FBXO36: variants seen among roughly 807,000 people sequenced by gnomAD.
The protein encoded by FBXO36 is F-box protein 36.
A neutral mutation model predicts 17.0 loss-of-function variants in FBXO36; 18 were observed. The observed-to-expected ratio is 1.06, with a 90% confidence interval of 0.73 to 1.57. FBXO36 has a LOEUF of 1.57. FBXO36 is among the 40% of genes most tolerant of loss of function. The probability of loss-of-function intolerance (pLI) is 0.00; values close to 1 mark genes in which losing one functional copy is unlikely to be tolerated. For synonymous variants in FBXO36, 83 were observed against 85.3 expected (o/e 0.97, Z 0.15); for missense variants, 229 against 221.9 (o/e 1.03, Z -0.20).
chr2:229,980,168 G>A (rs1188596053), intron 2 of FBXO36, among the ~76,000 whole-genome samples: 4 of 151,916 alleles, frequency 2.6e-5, no homozygotes, highest in African/African-American at 9.7e-5. Context: ...ATGCCACAGA[G>A]CCCCCGCCCC....
chr2:229,958,950 GA>G (rs1254926811), intron 1 of FBXO36, among the ~76,000 whole-genome samples: 3 of 152,166 alleles, frequency 2.0e-5, no homozygotes, highest in Non-Finnish European at 2.9e-5. Flanking sequence ...AACAGATGAT[GA>G]AACTCACCCA....
chr2:229,963,576 C>T (rs2077135759), intron 1 of FBXO36, among the ~76,000 whole-genome samples: 1 of 151,820 alleles, frequency 6.6e-6, no homozygotes, highest in Non-Finnish European at 1.5e-5. Context: ...TCCCGAGTAG[C>T]TGGGACTACA....
At chr2:229,984,489 C>T (rs2077257685) in intron 2 of FBXO36, among the ~76,000 whole-genome samples, 1 of 150,640 alleles carries the variant, frequency 6.6e-6, no homozygotes, top group Non-Finnish European at 1.5e-5. Context: ...CCCGGGTTCA[C>T]GTCATTCTCC....
intron 1 of FBXO36, among the ~76,000 whole-genome samples, chr2:229,973,598 G>A (rs1410863465): frequency 6.6e-6 from 1 of 151,774 alleles, no homozygotes; most frequent in Non-Finnish European, 1.5e-5. Context: ...GTGGGCGCCT[G>A]TAATCCCAGC....
At chr2:229,938,472 G>C (rs1006222237) in intron 1 of FBXO36, among the ~76,000 whole-genome samples, 1 of 140,924 alleles carries the variant, frequency 7.1e-6, no homozygotes, top group Non-Finnish European at 1.5e-5. Flanking sequence ...GGATTGGTTA[G>C]ATACAACTTT....
At chr2:229,986,340 A>C (rs778792143) in intron 2 of FBXO36, among the ~76,000 whole-genome samples, 2 of 151,954 alleles carry the variant, frequency 1.3e-5, no homozygotes, top group Non-Finnish European at 2.9e-5. Flanking sequence ...GTCTGTATAA[A>C]AAATGCAAAA....
At chr2:229,948,346 A>G (rs933962144) in intron 1 of FBXO36, among the ~76,000 whole-genome samples, 4 of 152,260 alleles carry the variant, frequency 2.6e-5, no homozygotes, top group African/African-American at 9.6e-5. Flanking sequence ...AACAGTCTGA[A>G]AAAACAGTGT....
intron 1 of FBXO36, among the ~76,000 whole-genome samples, chr2:229,949,070 T>C (rs1191096712): frequency 6.6e-6 from 1 of 152,160 alleles, no homozygotes; most frequent in African/African-American, 2.4e-5. Context: ...CCTGACCTCG[T>C]GATCCGCCCG....
chr2:229,924,814 G>A (rs1342774454), intron 1 of FBXO36, among the ~76,000 whole-genome samples: 1 of 151,654 alleles, frequency 6.6e-6, no homozygotes, highest in East Asian at 1.9e-4. Context: ...TGTCGCCCAG[G>A]CTGGAGTGCA....
intron 1 of FBXO36, among the ~76,000 whole-genome samples, chr2:229,962,340 T>G (rs965282854): frequency 6.6e-6 from 1 of 151,376 alleles, no homozygotes; most frequent in African/African-American, 2.4e-5. Flanking sequence ...TCTTTTTTTC[T>G]TTTTTTTGAA....
chr2:229,981,223 T>G (rs1239440719), intron 2 of FBXO36, among the ~76,000 whole-genome samples: 1 of 152,132 alleles, frequency 6.6e-6, no homozygotes, highest in Non-Finnish European at 1.5e-5. Flanking sequence ...GCGCAGTGGC[T>G]CACGCCTGTA....
chr2:229,933,577 G>A (rs149206414), intron 1 of FBXO36, among the ~76,000 whole-genome samples: 1 of 152,284 alleles, frequency 6.6e-6, no homozygotes, highest in African/African-American at 2.4e-5. Flanking sequence ...GAAGCATCAT[G>A]AGCCGGGTGC....
At chr2:229,949,164 T>G (rs1239840936) in intron 1 of FBXO36, among the ~76,000 whole-genome samples, 1 of 152,200 alleles carries the variant, frequency 6.6e-6, no homozygotes. Flanking sequence ...CATAAATGCC[T>G]GTCTGTATAA....
At chr2:229,962,309 T>C (rs1301488124) in intron 1 of FBXO36, among the ~76,000 whole-genome samples, 1 of 151,978 alleles carries the variant, frequency 6.6e-6, no homozygotes, top group Non-Finnish European at 1.5e-5. Context: ...AATTAGATAA[T>C]GAATAAAGTT....
In FBXO36 at chr2:229,976,329, T is replaced by A. The variant is rs975650207; in HGVS notation, c.185T>A (p.Leu62Gln). Residue 62 changes from leucine (L) to glutamine (Q), a missense_variant, in exon 2 of 4, where the codon CTA (leucine) becomes CAA (glutamine). Leu to Gln is a moderately radical substitution (Grantham distance 113, BLOSUM62 -2). Coordinates refer to ENST00000283946, the MANE Select transcript of FBXO36 (RefSeq NM_174899.5). ...GEAKETHEDF[L>Q]ENSHLQGQTA... Reference sequence around the variant, plus strand: ...GCAAAAGAAACCCATGAAGACTTCCTAGAGAATTCACATCTTCAAGGTAAG... The same window carrying A: ...GCAAAAGAAACCCATGAAGACTTCCAAGAGAATTCACATCTTCAAGGTAAG... 1.2e-6 allele frequency: 2 copies of A among 1,612,772 alleles called. No homozygotes were observed. Among genetic ancestry groups the A allele is most frequent in the Admixed American group, 3.3e-5 (2 of 59,966 alleles).
At chr2:229,925,078 T>C (rs1367200299) in intron 1 of FBXO36, among the ~76,000 whole-genome samples, 3 of 151,870 alleles carry the variant, frequency 2.0e-5, no homozygotes, top group Non-Finnish European at 4.4e-5. Flanking sequence ...TTCAGTGTTC[T>C]TAATTTTTCT....
At chr2:229,933,266 T>C (rs2076948435) in intron 1 of FBXO36, among the ~76,000 whole-genome samples, 1 of 152,032 alleles carries the variant, frequency 6.6e-6, no homozygotes, top group Non-Finnish European at 1.5e-5. Context: ...TAGAGTCCTA[T>C]AATTCTAGCT....
At chr2:229,993,133 T>C (rs546953388) in intron 2 of FBXO36, among the ~76,000 whole-genome samples, 1 of 152,284 alleles carries the variant, frequency 6.6e-6, no homozygotes, top group Admixed American at 6.5e-5. Flanking sequence ...ATCAACATAT[T>C]TTACCCCAAA....
chr2:230,004,243 A>C, intron 3 of FBXO36, among the ~76,000 whole-genome samples: 1 of 151,266 alleles, frequency 6.6e-6, no homozygotes. Context: ...TGCTTGCCCC[A>C]CCCCCTTGAC....
Sources: allele counts gnomAD v4.1 joint callset (sites outside exome capture counted in the v4.1 genomes callset), GRCh38; gene constraint gnomAD v4.1.1; transcripts MANE v1.5; gene names NCBI Gene and HGNC (gene_info 2026-07-23, HGNC 2026-07-21).